Variants in TTC28 observed in about 807,000 individuals in gnomAD.
TTC28 encodes the protein tetratricopeptide repeat protein 28.
Under a neutral mutation model 198.0 loss-of-function variants are expected in TTC28, and 61 were observed. The observed-to-expected ratio is 0.31, with a 90% CI of 0.25 to 0.38. TTC28 has a LOEUF of 0.38. Ranked by LOEUF, TTC28 falls within the 10% of genes least tolerant of loss-of-function variation. The pLI is 1.00. For missense variants in TTC28, 2,678 were observed against 3,164.0 expected, an observed-to-expected ratio of 0.85 and a Z score of 3.69; for synonymous variants, 1,171 against 1,297.8, an observed-to-expected ratio of 0.90 and a Z score of 2.10.
intron 12 of TTC28, among the ~76,000 whole-genome samples, chr22:28,038,552 A>T (rs1251262605): frequency 2.0e-5 from 3 of 152,356 alleles, no homozygotes; most frequent in South Asian, 2.1e-4. Flanking sequence ...GTTAGACCGA[A>T]AACCATAAAA....
intron 2 of TTC28, among the ~76,000 whole-genome samples, chr22:28,408,416 A>C (rs982058208): frequency 6.6e-6 from 1 of 151,946 alleles, no homozygotes; most frequent in Admixed American, 6.6e-5. Context: ...TTTTAGACAG[A>C]GTCTCACTCT....
At chr22:28,255,239 T>C (rs1350736287) in intron 5 of TTC28, among the ~76,000 whole-genome samples, 3 of 152,036 alleles carry the variant, frequency 2.0e-5, no homozygotes, top group South Asian at 2.1e-4. Flanking sequence ...AATTGAGAAT[T>C]AGCACCCTGA....
intron 3 of TTC28, among the ~76,000 whole-genome samples, chr22:28,302,250 G>A (rs1232754049): frequency 6.6e-6 from 1 of 152,072 alleles, no homozygotes; most frequent in East Asian, 1.9e-4. Flanking sequence ...TTTTAGTTGA[G>A]AATATCTGGA....
chr22:28,335,681 T>C (rs943134672), intron 2 of TTC28, among the ~76,000 whole-genome samples: 1 of 152,226 alleles, frequency 6.6e-6, no homozygotes, highest in African/African-American at 2.4e-5. Context: ...TTTTTGCACA[T>C]TGATTTTGTA....
intron 1 of TTC28, among the ~76,000 whole-genome samples, chr22:28,669,695 A>T (rs1279846666): frequency 6.6e-6 from 1 of 152,220 alleles, no homozygotes; most frequent in African/African-American, 2.4e-5. Context: ...TTTAAATGTA[A>T]GTTCAAATAC....
intron 5 of TTC28, among the ~76,000 whole-genome samples, chr22:28,295,079 T>G (rs1251472842): frequency 6.6e-6 from 1 of 152,148 alleles, no homozygotes; most frequent in Non-Finnish European, 1.5e-5. Context: ...ATTTGGGCAA[T>G]AAGAAAAGTG....
intron 2 of TTC28, among the ~76,000 whole-genome samples, chr22:28,586,046 T>C (rs5762701): frequency 0.99 from 150,287 of 151,840 alleles, 74,401 homozygotes; most frequent in Middle Eastern, 1. Context: ...TTTGGGAGGC[T>C]GAGGCGGTCA....
At chr22:28,535,567 A>G (rs568186363) in intron 2 of TTC28, among the ~76,000 whole-genome samples, 6 of 152,152 alleles carry the variant, frequency 3.9e-5, no homozygotes, top group Non-Finnish European at 8.8e-5. Flanking sequence ...CAATGTATCT[A>G]TTCTATTGTT....
intron 2 of TTC28, among the ~76,000 whole-genome samples, chr22:28,524,366 A>T (rs1207765712): frequency 6.6e-6 from 1 of 151,418 alleles, no homozygotes; most frequent in African/African-American, 2.4e-5. Context: ...AGGCTGAGAC[A>T]GGAGAATGGC....
intron 1 of TTC28, among the ~76,000 whole-genome samples, chr22:28,662,204 A>G (rs1831439386): frequency 6.6e-6 from 1 of 152,228 alleles, no homozygotes; most frequent in South Asian, 2.1e-4. Flanking sequence ...TGCCAACATA[A>G]CCTTAAACCT....
intron 2 of TTC28, among the ~76,000 whole-genome samples, chr22:28,545,625 G>A (rs2049524486): frequency 6.6e-6 from 1 of 151,982 alleles, no homozygotes; most frequent in African/African-American, 2.4e-5. Context: ...GGTGAATTTA[G>A]CAAAGTCACA....
chr22:27,990,021 G>A lies in TTC28; in HGVS notation c.5578-14C>T, dbSNP rs1164407674. ...CACCTGGTGGAGCTGAGGAAGGGGG[G>A]ACAGCGTGAGCACCCTGTGTCTCCT... On this transcript the variant is annotated splice_polypyrimidine_tract_variant and intron_variant, in intron 20 of 22. Transcript: ENST00000397906. 1.3e-6 allele frequency: 2 copies of A among 1,548,252 alleles called. No individual in the cohort carries two copies. Among genetic ancestry groups the A allele is most frequent in the Non-Finnish European group, 8.7e-7 (1 of 1,144,866 alleles).
At chr22:28,387,600 G>A (rs996712285) in intron 2 of TTC28, among the ~76,000 whole-genome samples, 2 of 152,116 alleles carry the variant, frequency 1.3e-5, no homozygotes, top group African/African-American at 2.4e-5. Flanking sequence ...GCCAGTGATG[G>A]TGAGCATTTT....
chr22:28,499,525 GA>G (rs199919039), intron 2 of TTC28, among the ~76,000 whole-genome samples: 9 of 149,042 alleles, frequency 6.0e-5, no homozygotes, highest in African/African-American at 9.8e-5. Flanking sequence ...TTTTCCTCTG[GA>G]AAAAAAAATG....
At chr22:28,530,647 G>A (rs1311419738) in intron 2 of TTC28, among the ~76,000 whole-genome samples, 3 of 152,104 alleles carry the variant, frequency 2.0e-5, no homozygotes, top group Non-Finnish European at 1.5e-5. Flanking sequence ...AAATATTAAG[G>A]GCAGCCAGAG....
intron 5 of TTC28, 95 bp from the exon 6 acceptor site, chr22:28,163,694 G>A (rs1278385084): frequency 1.8e-5 from 24 of 1,329,276 alleles, no homozygotes; most frequent in Middle Eastern, 1.9e-4. Context: ...CAAGATGGCC[G>A]AATAGGAACA....
intron 2 of TTC28, among the ~76,000 whole-genome samples, chr22:28,386,104 G>A (rs1048045905): frequency 1.3e-5 from 2 of 150,418 alleles, no homozygotes; most frequent in Admixed American, 6.6e-5. Context: ...GTGAAACCCC[G>A]TCTCTACTAA....
chr22:28,328,771 T>C (rs1378251914), intron 2 of TTC28, among the ~76,000 whole-genome samples: 1 of 139,310 alleles, frequency 7.2e-6, no homozygotes, highest in Non-Finnish European at 1.5e-5. Flanking sequence ...ATAATAATAA[T>C]AATAATAATA....
chr22:28,619,951 T>C lies in TTC28; in HGVS notation c.381+9601A>G, dbSNP rs117604181. ...TATTTTAAGAAGAGACAAGACCACA[T>C]TGAAGATAAAGTCCACAGCAGCAGA... On this transcript the variant is annotated intron_variant, in intron 2 of 22. Transcript: ENST00000397906. Among the ~76,000 whole-genome samples the C allele has an allele frequency of 6.2e-3, 946 of 152,292 alleles. 12 individuals are homozygous for C. The highest frequency in any genetic ancestry group is 0.029 in the Admixed American group (448 of 15,292).
Sources: allele counts gnomAD v4.1 joint callset (sites outside exome capture counted in the v4.1 genomes callset), GRCh38; gene constraint gnomAD v4.1.1; transcripts MANE v1.5; gene names NCBI Gene and HGNC (gene_info 2026-07-23, HGNC 2026-07-21).